The following NEDD9 variants were observed in gnomAD, a reference collection of about 807,000 sequenced individuals.
The protein encoded by NEDD9 is neural precursor cell expressed, developmentally down-regulated 9.
Under a neutral mutation model 76.6 loss-of-function variants are expected in NEDD9, and 26 were observed. The observed-to-expected ratio is 0.34, with a 90% CI of 0.25 to 0.47. The LOEUF is 0.47. Ranked by LOEUF, NEDD9 falls within the 20% of genes least tolerant of loss-of-function variation. NEDD9 has a pLI of 1.00. For missense variants in NEDD9, 937 were observed against 1,058.5 expected, an observed-to-expected ratio of 0.89 and a Z score of 1.59; for synonymous variants, 392 against 414.2, an observed-to-expected ratio of 0.95 and a Z score of 0.65.
chr6:11,328,539 G>T (rs886983534), intron 2 of NEDD9: 1 of 152,204 alleles, frequency 6.6e-6, no homozygotes, highest in Non-Finnish European at 1.5e-5. Context: ...ATTAAGTGTT[G>T]GGTGTAGGGA....
rs1761720186 is a variant in NEDD9, at chr6:11,319,673, CAT to C, written c.-152-13520_-152-13519del. On this transcript the variant is annotated intron_variant, in intron 2 of 3. Transcript: ENST00000397378. ...CACATGCCACACACTAACATGCACA[CAT>C]ACACAAACATGGACACTCACACAAA... Among the ~76,000 whole-genome samples the C allele has an allele frequency of 2.3e-5, 3 of 129,974 alleles. No individual in the cohort carries two copies. In the South Asian group the frequency reaches 7.8e-4, roughly 34 times the overall value. The allele number at this position is 129,974 out of a possible 152,430, so 85.3% of individuals were successfully genotyped here.
intron 3 of NEDD9, among the ~76,000 whole-genome samples, chr6:11,253,985 T>C (rs1223469023): frequency 6.6e-6 from 1 of 152,198 alleles, no homozygotes; most frequent in Non-Finnish European, 1.5e-5. Flanking sequence ...AGCATGAAAT[T>C]ACAGATAAAA....
intron 2 of NEDD9, among the ~76,000 whole-genome samples, chr6:11,318,680 T>C (rs1761653518): frequency 6.7e-6 from 1 of 150,162 alleles, no homozygotes; most frequent in Non-Finnish European, 1.5e-5. Flanking sequence ...CCATTTTGTC[T>C]TTAAGTTAAA....
intron 2 of NEDD9, among the ~76,000 whole-genome samples, chr6:11,330,042 G>T (rs1396674270): frequency 6.6e-6 from 1 of 152,240 alleles, no homozygotes; most frequent in Non-Finnish European, 1.5e-5. Flanking sequence ...GCCACATGTG[G>T]TTATTGAGTG....
chr6:11,285,979 A>C (rs116634291), intron 3 of NEDD9, among the ~76,000 whole-genome samples: 2,639 of 152,282 alleles, frequency 0.017, 74 homozygotes, highest in African/African-American at 0.058. Flanking sequence ...CATAAAAGAA[A>C]AAATTAATAA....
At position 11,240,742 on chromosome 6, in the gene NEDD9, C is replaced by T. The variant is rs147189844; in HGVS notation, c.13-27015G>A. ...AGTGAAATGTGACAAGCAATTGTGA[C>T]GCTCCATTTTAGCATTTTCTTTACA... On this transcript the variant is annotated intron_variant, in intron 3 of 3. Coordinates refer to the NEDD9 transcript ENST00000397378. Among the ~76,000 whole-genome samples, 117 of 152,226 alleles carry T rather than the reference C, an allele frequency of 7.7e-4. 1 individual carries two copies. Among genetic ancestry groups the T allele is most frequent in the African/African-American group, 2.5e-3 (105 of 41,540 alleles).
At chr6:11,263,191 T>G (rs979372718) in intron 3 of NEDD9, among the ~76,000 whole-genome samples, 18 of 152,216 alleles carry the variant, frequency 1.2e-4, no homozygotes, top group African/African-American at 4.1e-4. Context: ...TTCATTTAAA[T>G]CAGATAACCA....
intron 2 of NEDD9, among the ~76,000 whole-genome samples, chr6:11,321,853 T>G (rs1389607818): frequency 6.6e-6 from 1 of 152,202 alleles, no homozygotes; most frequent in Non-Finnish European, 1.5e-5. Flanking sequence ...AGAAAGTATC[T>G]GTGAACAAAG....
At chr6:11,299,948 C>A (rs1314183489) in intron 3 of NEDD9, among the ~76,000 whole-genome samples, 1 of 152,196 alleles carries the variant, frequency 6.6e-6, no homozygotes, top group Non-Finnish European at 1.5e-5. Flanking sequence ...CAGAGTGCCT[C>A]TTCTCCTCCA....
At position 11,192,128 on chromosome 6, in the gene NEDD9, G is replaced by T. The variant is rs189038497; in HGVS notation, c.663+217C>A. Among the ~76,000 whole-genome samples, 460 of 152,194 alleles carry T rather than the reference G, an allele frequency of 3.0e-3. 3 individuals carry two copies. The highest frequency in any genetic ancestry group is 0.011 in the African/African-American group (437 of 41,520). ...TGGCCACCTAGTGTTTTTTAGTTGG[G>T]GCTTCTCAATATGAAATCCCTAGAG... is the stretch of plus-strand genomic sequence containing the variant. On this transcript the variant is annotated intron_variant, in intron 4 of 6. Coordinates refer to ENST00000379446, the MANE Select transcript of NEDD9 (RefSeq NM_006403.4).
intron 2 of NEDD9, among the ~76,000 whole-genome samples, chr6:11,194,104 C>A (rs1758231575): frequency 6.6e-6 from 1 of 152,100 alleles, no homozygotes; most frequent in Non-Finnish European, 1.5e-5. Context: ...GATCCACCCA[C>A]CTCAGCCCCC....
intron 3 of NEDD9, among the ~76,000 whole-genome samples, chr6:11,285,306 CA>C (rs1760624609): frequency 6.6e-6 from 1 of 151,416 alleles, no homozygotes; most frequent in Non-Finnish European, 1.5e-5. Flanking sequence ...CTCTGTACAC[CA>C]AAAACCATAA....
chr6:11,253,207 G>A (rs187047095), intron 3 of NEDD9, among the ~76,000 whole-genome samples: 10 of 152,254 alleles, frequency 6.6e-5, no homozygotes, highest in Admixed American at 2.0e-4. Flanking sequence ...GTGCGCAGTC[G>A]TTGAACTTAC....
At chr6:11,225,789 C>A (rs781761031) in intron 1 of NEDD9, among the ~76,000 whole-genome samples, 1 of 146,406 alleles carries the variant, frequency 6.8e-6, no homozygotes, top group Admixed American at 7.1e-5. Context: ...GTGTGAGCCA[C>A]CGCGCCCGGC....
intron 1 of NEDD9, among the ~76,000 whole-genome samples, chr6:11,229,672 C>A (rs575682609): frequency 6.6e-6 from 1 of 152,238 alleles, no homozygotes; most frequent in Non-Finnish European, 1.5e-5. Flanking sequence ...TTTACTATCA[C>A]ATAACCACAG....
rs371491128 is a variant in NEDD9 at position 11,193,659 on chromosome 6, C to T, written c.493G>A (p.Val165Ile). 2.0e-5 allele frequency: 32 copies of T among 1,613,814 alleles called. No homozygotes were observed. The highest frequency in any genetic ancestry group is 1.1e-4 in the African/African-American group (8 of 74,884). Residue 165 changes from valine to isoleucine, a missense_variant, in exon 3 of 7, where the codon GTA (valine) becomes ATA (isoleucine). Coordinates refer to ENST00000379446, the MANE Select transcript of NEDD9 (RefSeq NM_006403.4). ...TGGTATCTGGATGGGTACTCGTATA[C>T]GTAGCCATGGCCTGTCCTCACGGGG... Reference protein sequence around the residue: ...ITPVRTGHGYVYEYPSRYQKD... With the variant: ...ITPVRTGHGYIYEYPSRYQKD...
At chr6:11,333,464 G>A (rs1762090512) in intron 2 of NEDD9, among the ~76,000 whole-genome samples, 1 of 152,212 alleles carries the variant, frequency 6.6e-6, no homozygotes, top group South Asian at 2.1e-4. Flanking sequence ...GATTTATTGT[G>A]CCTCACAGGT....
intron 1 of NEDD9, among the ~76,000 whole-genome samples, chr6:11,335,340 T>C (rs1762134580): frequency 6.6e-6 from 1 of 152,246 alleles, no homozygotes; most frequent in South Asian, 2.1e-4. Context: ...TTTGGTAGTC[T>C]GCTGCCAGTC....
Position 11,241,586 on chromosome 6 carries a change from C to G in NEDD9, c.13-27859G>C, listed in dbSNP as rs1032289844. On this transcript the variant is annotated intron_variant, in intron 3 of 3. Coordinates refer to the NEDD9 transcript ENST00000397378. This position sits in a 1 kb window ranked among gnomAD's most constrained non-coding sequence, Gnocchi z 4.0. ...CTCCGGAAGCCATCTTCCACACCAG[C>G]CATCCAGCATAGCTCCGGGGGCGGA... Among the ~76,000 whole-genome samples the G allele has an allele frequency of 6.6e-6, 1 of 152,212 alleles. No homozygotes were observed. The highest frequency in any genetic ancestry group is 2.4e-5 in the African/African-American group (1 of 41,452).
Sources: allele counts gnomAD v4.1 joint callset (sites outside exome capture counted in the v4.1 genomes callset), GRCh38; gene constraint gnomAD v4.1.1; non-coding constraint Gnocchi (gnomAD v3.1); transcripts MANE v1.5; gene names NCBI Gene and HGNC (gene_info 2026-07-23, HGNC 2026-07-21).